Variants in CPZ observed in about 807,000 individuals in gnomAD.
CPZ encodes VEZT/CPZ fusion.
Under a neutral mutation model 61.8 loss-of-function variants are expected in CPZ, and 103 were observed. The observed-to-expected ratio is 1.67, with a 90% CI of 1.42 to 1.96. CPZ has a LOEUF of 1.96. CPZ is among the 30% of genes most tolerant of loss of function. CPZ has a pLI of 0.00. For synonymous variants in CPZ, 551 were observed against 373.7 expected (o/e 1.47, Z -5.47); for missense variants, 1,461 against 914.9 (o/e 1.60, Z -7.70).
At chr4:8,607,042 G>A (rs1407027301) in intron 6 of CPZ, 144 bp downstream of exon 6, 2 of 1,108,160 alleles carry the variant, frequency 1.8e-6, no homozygotes, top group East Asian at 2.6e-5. Flanking sequence ...TGTGAAATGG[G>A]AACACCTCCT....
intron 7 of CPZ, among the ~76,000 whole-genome samples, chr4:8,608,666 A>ATG (rs1170206691): frequency 4.8e-4 from 7 of 14,546 alleles, no homozygotes; most frequent in South Asian, 2.0e-3. Context: ...ATGCATGTGC[A>ATG]CACGTGCATA....
chr4:8,608,716 G>C (rs192457587), intron 7 of CPZ, among the ~76,000 whole-genome samples: 1 of 151,616 alleles, frequency 6.6e-6, no homozygotes, highest in Non-Finnish European at 1.5e-5. Flanking sequence ...TGGGACTTCA[G>C]GAGGGCTTCC....
chr4:8,616,361 G>T (rs1254800336), intron 9 of CPZ, among the ~76,000 whole-genome samples: 1 of 152,146 alleles, frequency 6.6e-6, no homozygotes, highest in Non-Finnish European at 1.5e-5. Flanking sequence ...TGACCCGTGG[G>T]CCCAAGAGCA....
Position 8,604,114 on chromosome 4 carries a change from G to C in CPZ, c.635G>C (p.Ser212Thr). The C allele has an allele frequency of 6.2e-7, 1 of 1,602,176 alleles. No individual in the cohort carries two copies. Among genetic ancestry groups the C allele is most frequent in the South Asian group, 1.1e-5 (1 of 89,580 alleles). The change falls in exon 4 of 11, where the codon AGC becomes ACC. Residue 212 changes from serine to threonine, a missense_variant. Physicochemically the swap from Ser to Thr is moderately conservative, Grantham distance 58. Transcript: ENST00000360986. ...SRCAHVARTY[S>T]IGRSFDGREL... Reference sequence around the variant, plus strand: ...TGCGCCCACGTGGCCAGGACCTACAGCATCGGGCGCAGCTTCGACGGCAGG... The same window carrying C: ...TGCGCCCACGTGGCCAGGACCTACACCATCGGGCGCAGCTTCGACGGCAGG...
In CPZ at chr4:8,592,788, G is replaced by A. The variant is rs1018970883; in HGVS notation, c.-46G>A. 3.4e-5 allele frequency: 44 copies of A among 1,311,876 alleles called. No homozygotes were observed. The highest frequency in any genetic ancestry group is 3.9e-5 in the Admixed American group (1 of 25,342). The allele number at this position is 1,311,876 out of a possible 1,614,324, so 81.3% of individuals were successfully genotyped here. ...GCAGAGCCCCGGCCCCGCGCGGCCC[G>A]AGTGCCACATCACTGCGCTGGCCGT... On this transcript the variant is annotated 5_prime_UTR_variant, in exon 1 of 11. Coordinates refer to ENST00000360986, the MANE Select transcript of CPZ (RefSeq NM_001014447.3).
intron 9 of CPZ, among the ~76,000 whole-genome samples, chr4:8,616,670 G>A (rs1378523049): frequency 1.3e-5 from 2 of 152,228 alleles, no homozygotes; most frequent in African/African-American, 4.8e-5. Context: ...TGCTGTCTGG[G>A]GGTGAGGAGG....
In CPZ at chr4:8,606,761, A is replaced by G; in HGVS notation, c.931A>G (p.Ser311Gly). 1 of 1,614,146 alleles carries G rather than the reference A, an allele frequency of 6.2e-7. No individual in the cohort carries two copies. Among genetic ancestry groups the G allele is most frequent in the Non-Finnish European group, 8.5e-7 (1 of 1,180,022 alleles). Residue 311 changes from serine to glycine, a missense_variant, in exon 6 of 11, where the codon AGC (serine) becomes GGC (glycine). Coordinates refer to ENST00000360986, the MANE Select transcript of CPZ (RefSeq NM_001014447.3). ...GGGTGCCGGCTACAACGGGTGGACGAGCGGGAGGCAGAACGCGCAGAACCT... is the reference window on the plus strand; with the variant it reads ...GGGTGCCGGCTACAACGGGTGGACGGGCGGGAGGCAGAACGCGCAGAACCT... ...AEGAGYNGWT[S>G]GRQNAQNLDL... is the part of the protein sequence containing the mutation.
intron 3 of CPZ, chr4:8,602,716 A>G (rs1451195796): frequency 6.6e-6 from 1 of 152,360 alleles, no homozygotes; most frequent in Non-Finnish European, 1.5e-5. Flanking sequence ...CCCACTGTAC[A>G]TGTGGCTTTG....
intron 7 of CPZ, among the ~76,000 whole-genome samples, chr4:8,610,748 G>A (rs114842129): frequency 0.024 from 3,665 of 152,292 alleles, 54 homozygotes; most frequent in Middle Eastern, 0.044. Context: ...TGCAGGGGCT[G>A]CTGGCAGGAT....
chr4:8,615,636 C>G (rs1371702191), intron 9 of CPZ, among the ~76,000 whole-genome samples: 1 of 152,144 alleles, frequency 6.6e-6, no homozygotes, highest in Non-Finnish European at 1.5e-5. Flanking sequence ...AGGTTCTGGC[C>G]TGGGGTCTCT....
At chr4:8,597,275 C>T (rs1714244830) in intron 1 of CPZ, 2 of 152,262 alleles carry the variant, frequency 1.3e-5, no homozygotes, top group Non-Finnish European at 2.9e-5. Context: ...TTTATCTGCT[C>T]TTCCCAACAT....
chr4:8,603,850 T>G, intron 3 of CPZ, 126 bp from the exon 4 acceptor site: 2 of 790,424 alleles, frequency 2.5e-6, no homozygotes, highest in Non-Finnish European at 2.1e-6. Context: ...TAATTAAAGA[T>G]AGAGATGTCC....
intron 4 of CPZ, among the ~76,000 whole-genome samples, chr4:8,605,105 C>T (rs953234346): frequency 6.6e-6 from 1 of 152,208 alleles, no homozygotes; most frequent in African/African-American, 2.4e-5. Context: ...CAGAAAGCTC[C>T]CAGGTCATTT....
chr4:8,619,092 G>C (rs1716458263), intron 10 of CPZ, among the ~76,000 whole-genome samples, 170 bp from the exon 11 acceptor site: 2 of 152,116 alleles, frequency 1.3e-5, no homozygotes, highest in Admixed American at 1.3e-4. Flanking sequence ...ATAAATAAGA[G>C]TTTGACAGAG....
At chr4:8,601,035 C>G (rs2109316610) in intron 2 of CPZ, 88 bp from the exon 3 acceptor site, 1 of 1,468,302 alleles carries the variant, frequency 6.8e-7, no homozygotes, top group African/African-American at 1.4e-5. Flanking sequence ...AGGCCCTGGC[C>G]CTGCGTGGGG....
Position 8,614,570 on chromosome 4 carries a change from G to C in CPZ, c.1503+72G>C, listed in dbSNP as rs957460247. On this transcript the variant is annotated intron_variant, in intron 9 of 10. Transcript: ENST00000360986. ...GGGGTGGGTCACATTCAGGCCCCCA[G>C]GGCAGCCCCCGTAGCCTCACTGCCC... The C allele has an allele frequency of 7.8e-6, 12 of 1,539,870 alleles. No homozygotes were observed. The African/African-American group carries it at 1.4e-4, about 18-fold the overall frequency.
chr4:8,610,805 TTG>T (rs766547450), intron 7 of CPZ, among the ~76,000 whole-genome samples: 87 of 152,030 alleles, frequency 5.7e-4, no homozygotes, highest in Non-Finnish European at 9.9e-4. Flanking sequence ...CTGAGTGGGG[TTG>T]TGTTTGTGCC....
rs1249044818 is a variant in CPZ, at chr4:8,592,841, C to T, written c.8C>T (p.Pro3Leu). 6 of 1,478,926 alleles carry T rather than the reference C, an allele frequency of 4.1e-6. No homozygotes were observed. Among genetic ancestry groups the T allele is most frequent in the Non-Finnish European group, 5.4e-6 (6 of 1,120,674 alleles). The allele number at this position is 1,478,926 out of a possible 1,614,324, so 91.6% of individuals were successfully genotyped here. MP[P>L]PLPLLLLTVL... ...AAGGTCCGCCGCCCCACCATGCCGCCCCCGCTGCCGCTGCTGCTCCTTACA... is the reference window on the plus strand; with the variant it reads ...AAGGTCCGCCGCCCCACCATGCCGCTCCCGCTGCCGCTGCTGCTCCTTACA... The change falls in exon 1 of 11, where the codon CCC (proline) becomes CTC (leucine). Residue 3 changes from proline to leucine, a missense_variant. Transcript: ENST00000360986.
chr4:8,619,660 T>C lies in CPZ; in HGVS notation c.*43T>C. The C allele has an allele frequency of 1.4e-6, 2 of 1,390,362 alleles. No individual in the cohort carries two copies. Among genetic ancestry groups the C allele is most frequent in the South Asian group, 3.3e-5 (2 of 61,364 alleles). The allele number at this position is 1,390,362 out of a possible 1,614,324, so 86.1% of individuals were successfully genotyped here. A position where few individuals can be genotyped will look rare whatever the true frequency, so the allele number is the denominator to read the frequency against. ...GCCAGGATGTGGAGACCGAGGCCCA[T>C]CTCCGCATCCCGGGCTCCTGGCTCT... On this transcript the variant is annotated 3_prime_UTR_variant, in exon 11 of 11. Coordinates refer to ENST00000360986, the MANE Select transcript of CPZ (RefSeq NM_001014447.3).
Sources: gnomAD v4.1 joint callset for allele counts (sites outside exome capture counted in the v4.1 genomes callset) on GRCh38, gnomAD v4.1.1 for gene constraint, MANE v1.5 for transcripts, NCBI Gene and HGNC (gene_info 2026-07-23, HGNC 2026-07-21) for gene names.